Variants in PXDN observed in about 807,000 individuals in gnomAD.
The protein encoded by PXDN is peroxidasin homolog.
PXDN carries 77 observed loss-of-function variants against 140.3 expected under a neutral mutation model. The ratio of observed to expected loss-of-function variants is 0.55; its 90% CI spans 0.46 to 0.66. PXDN has a LOEUF of 0.66. Ranked by LOEUF, PXDN falls within the 30% of genes least tolerant of loss-of-function variation. The pLI, the probability that PXDN is intolerant of heterozygous loss-of-function variation, is 0.00. For synonymous variants in PXDN, 911 were observed against 857.4 expected (o/e 1.06, Z -1.09); for missense variants, 1,838 against 2,039.5 (o/e 0.90, Z 1.90).
chr2:1,644,071 CA>C (rs74164529), intron 18 of PXDN, among the ~76,000 whole-genome samples: 2,161 of 38,278 alleles, frequency 0.056, 3 homozygotes, highest in African/African-American at 0.075. Flanking sequence ...GACTCTGTCT[CA>C]AAAAAAAAAA....
intron 1 of PXDN, among the ~76,000 whole-genome samples, chr2:1,694,229 G>T (rs1032212036): frequency 6.6e-6 from 1 of 152,140 alleles, no homozygotes; most frequent in African/African-American, 2.4e-5. Context: ...CAGGTGTTTG[G>T]TCATTAGGGT....
intron 1 of PXDN, among the ~76,000 whole-genome samples, chr2:1,727,367 T>C (rs2125486615): frequency 6.6e-6 from 1 of 152,324 alleles, no homozygotes; most frequent in Middle Eastern, 3.4e-3. Flanking sequence ...AGCCGTAACG[T>C]AATAAGTAGC....
chr2:1,665,385 G>A (rs532852223), intron 10 of PXDN, among the ~76,000 whole-genome samples: 27 of 152,302 alleles, frequency 1.8e-4, no homozygotes, highest in Non-Finnish European at 2.9e-4. Context: ...GACTTACAAC[G>A]ATTCCTCTCA....
intron 1 of PXDN, among the ~76,000 whole-genome samples, chr2:1,740,500 G>A (rs1406149608): frequency 6.6e-6 from 1 of 152,132 alleles, no homozygotes; most frequent in East Asian, 1.9e-4. Flanking sequence ...TGGGGGGCCT[G>A]CAGGCGGGAG....
intron 1 of PXDN, among the ~76,000 whole-genome samples, chr2:1,703,194 G>A (rs1452160699): frequency 2.3e-5 from 1 of 44,218 alleles, no homozygotes; most frequent in Non-Finnish European, 4.1e-5. Flanking sequence ...GACAACTCCA[G>A]GTGAAAGAGG....
intron 11 of PXDN, 146 bp downstream of exon 11, chr2:1,664,812 G>A (rs758198082): frequency 1.2e-5 from 8 of 688,046 alleles, no homozygotes; most frequent in East Asian, 5.5e-5. Flanking sequence ...ACACCTCTGC[G>A]CTTCCCAGTG....
chr2:1,682,735 T>C (rs929760708), intron 6 of PXDN, among the ~76,000 whole-genome samples: 3 of 151,192 alleles, frequency 2.0e-5, no homozygotes, highest in South Asian at 2.1e-4. Flanking sequence ...AGGTCAGGAG[T>C]TCAAGACCAG....
chr2:1,676,968 G>C lies in PXDN; in HGVS notation c.807C>G (p.Ala269=). 6.2e-7 allele frequency: 1 copy of C among 1,613,034 alleles called. No individual in the cohort carries two copies. The highest frequency in any genetic ancestry group is 8.5e-7 in the Non-Finnish European group (1 of 1,179,584). Residue 269 remains alanine (A), a synonymous_variant, in exon 8 of 23, where the codon GCC becomes GCG. Coordinates refer to ENST00000252804, the MANE Select transcript of PXDN (RefSeq NM_012293.3). ...SGNTVYFTCR[A]EGNPKPEIIW... is the part of the protein sequence containing the mutation. ...TGATCTCAGGCTTGGGGTTGCCTTC[G>C]GCTCTGCAGGTGAAGTACACGGTGT... is the stretch of plus-strand genomic sequence containing the variant.
intron 7 of PXDN, among the ~76,000 whole-genome samples, chr2:1,678,833 G>T (rs1350105233): frequency 1.3e-5 from 2 of 152,192 alleles, no homozygotes; most frequent in Non-Finnish European, 2.9e-5. Context: ...TGGGTCCGGG[G>T]TGGGGAAGCA....
chr2:1,680,523 G>A (rs963289715), intron 6 of PXDN, among the ~76,000 whole-genome samples, 161 bp from the exon 7 acceptor site: 8 of 152,170 alleles, frequency 5.3e-5, no homozygotes, highest in Non-Finnish European at 1.2e-4. Flanking sequence ...TCTGAGCCCC[G>A]GTGCCCGACT....
chr2:1,668,543 A>C lies in PXDN; in HGVS notation c.1019-2057T>G, dbSNP rs543552655. ...CTATAGAATGGGAGAAAATTTTTGC[A>C]ATCTCTCCATCTGACAAAGGTCTAA... is the stretch of plus-strand genomic sequence containing the variant. On this transcript the variant is annotated intron_variant, in intron 9 of 22. Transcript: ENST00000252804. 1.1e-4 allele frequency among the ~76,000 whole-genome samples: 16 copies of C among 152,200 alleles called. No homozygotes were observed. The East Asian group carries it at 2.9e-3, about 28-fold the overall frequency.
chr2:1,653,607 A>C, intron 16 of PXDN, 21 bp downstream of exon 16: 1 of 1,611,286 alleles, frequency 6.2e-7, no homozygotes, highest in Non-Finnish European at 8.5e-7. Flanking sequence ...TGGAGGAGGA[A>C]GAAAAGGCTT....
In PXDN at chr2:1,639,587, C is replaced by CTGG. The variant is rs1682666768; in HGVS notation, c.3953-168_3953-166dup. ...GCTGGTCTGCGGCTCTTACCCTCTC[C>CTGG]TGGTCTGAGGGGCCAAGCCTCTCTC... On this transcript the variant is annotated intron_variant, in intron 19 of 22. Coordinates refer to ENST00000252804, the MANE Select transcript of PXDN (RefSeq NM_012293.3). The surrounding 1 kb of genome is among the most constrained non-coding windows in gnomAD (Gnocchi z 5.0). 6.6e-6 allele frequency among the ~76,000 whole-genome samples: 1 copy of CTGG among 152,190 alleles called. No individual in the cohort carries two copies. The highest frequency in any genetic ancestry group is 2.4e-5 in the African/African-American group (1 of 41,448).
chr2:1,711,647 A>G (rs112512726), intron 1 of PXDN, among the ~76,000 whole-genome samples: 5,928 of 117,396 alleles, frequency 0.05, 642 homozygotes, highest in East Asian at 0.3. Flanking sequence ...ACCAGCACCC[A>G]CTCCACCAGC....
chr2:1,713,363 T>C (rs1177995232), intron 1 of PXDN, among the ~76,000 whole-genome samples: 1 of 152,178 alleles, frequency 6.6e-6, no homozygotes, highest in African/African-American at 2.4e-5. Context: ...CGGGCTTCCA[T>C]CCCTGCGAAA....
chr2:1,633,219 C>T lies in PXDN; in HGVS notation c.*985G>A, dbSNP rs372397951. 4.0e-5 allele frequency: 6 copies of T among 149,612 alleles called. No individual in the cohort carries two copies. Among genetic ancestry groups the T allele is most frequent in the African/African-American group, 9.9e-5 (4 of 40,362 alleles). 9.3% of individuals were successfully genotyped at this position (149,612 alleles called of 1,614,324 possible). A position where few individuals can be genotyped will look rare whatever the true frequency, so the allele number is the denominator to read the frequency against. ...ACACAACCTGAAGTTAGACAGTTCC[C>T]GACACTTGAGCTCCTCCTCCCTTGG... On this transcript the variant is annotated 3_prime_UTR_variant, in exon 23 of 23. Coordinates refer to ENST00000252804, the MANE Select transcript of PXDN (RefSeq NM_012293.3).
chr2:1,732,802 A>T (rs1038732337), intron 1 of PXDN, among the ~76,000 whole-genome samples: 2 of 152,242 alleles, frequency 1.3e-5, no homozygotes, highest in African/African-American at 4.8e-5. Context: ...TAAATTATTC[A>T]ATTAAAACCA....
intron 3 of PXDN, among the ~76,000 whole-genome samples, chr2:1,688,059 G>C (rs929671184): frequency 2.0e-5 from 3 of 152,188 alleles, no homozygotes; most frequent in African/African-American, 7.2e-5. Flanking sequence ...TGCATTGGCT[G>C]TAAGATTCTA....
chr2:1,704,960 C>T (rs1207507569), intron 1 of PXDN, among the ~76,000 whole-genome samples: 1 of 152,106 alleles, frequency 6.6e-6, no homozygotes, highest in African/African-American at 2.4e-5. Context: ...GATGATGCAT[C>T]ATCCGTCAGT....
Sources: allele counts gnomAD v4.1 joint callset (sites outside exome capture counted in the v4.1 genomes callset), GRCh38; gene constraint gnomAD v4.1.1; non-coding constraint Gnocchi (gnomAD v3.1); transcripts MANE v1.5; gene names NCBI Gene and HGNC (gene_info 2026-07-23, HGNC 2026-07-21).